Variants in PTPRN2 observed in about 807,000 individuals in gnomAD.
PTPRN2 encodes the protein protein tyrosine phosphatase receptor type N2.
PTPRN2 carries 74 observed loss-of-function variants against 118.8 expected under a neutral mutation model. That is an observed-to-expected ratio of 0.62 (90% CI 0.52 to 0.76). The LOEUF (loss-of-function observed/expected upper bound fraction) is 0.76, where lower values mean the gene tolerates loss of function less well. Ranked by LOEUF, PTPRN2 falls within the 30% of genes least tolerant of loss-of-function variation. The probability of loss-of-function intolerance (pLI) is 0.00; values close to 1 mark genes in which losing one functional copy is unlikely to be tolerated. For missense variants in PTPRN2, 1,481 were observed against 1,394.4 expected (o/e 1.06, Z -0.99); for synonymous variants, 641 against 608.0 (o/e 1.05, Z -0.80).
At chr7:158,270,772 CCACCTGGACCACCCCT>C (rs1798288190) in intron 3 of PTPRN2, among the ~76,000 whole-genome samples, 2 of 131,612 alleles carry the variant, frequency 1.5e-5, no homozygotes, top group Admixed American at 7.2e-5. Context: ...ACCACCCCGT[CCACCTGGACCACCCCT>C]CCACCTGGAC....
chr7:158,449,100 G>A (rs948465738), intron 2 of PTPRN2, among the ~76,000 whole-genome samples: 2 of 152,184 alleles, frequency 1.3e-5, no homozygotes, highest in Admixed American at 6.5e-5. Context: ...AGGGTCCAGG[G>A]ACTTTCACAC....
intron 5 of PTPRN2, among the ~76,000 whole-genome samples, chr7:158,188,737 C>T (rs904682640): frequency 1.2e-4 from 17 of 136,400 alleles, no homozygotes; most frequent in Non-Finnish European, 2.1e-4. Context: ...CCACGCTCGC[C>T]GCCTTGTATG....
At position 158,546,748 on chromosome 7, in the gene PTPRN2, C is replaced by A. The variant is rs1418315723; in HGVS notation, c.112+40810G>T. ...CCACCAGCCTGGGAGGCCCGGTCAC[C>A]CCACGGCCAGCGCCTGCCAAGTTCT... is the stretch of plus-strand genomic sequence containing the variant. On this transcript the variant is annotated intron_variant, in intron 1 of 22. Transcript: ENST00000389418. This position sits in a 1 kb window ranked among gnomAD's most constrained non-coding sequence, Gnocchi z 5.0. Among the ~76,000 whole-genome samples the A allele has an allele frequency of 6.6e-6, 1 of 152,242 alleles. No homozygotes were observed. The highest frequency in any genetic ancestry group is 1.5e-5 in the Non-Finnish European group (1 of 68,038).
intron 2 of PTPRN2, among the ~76,000 whole-genome samples, chr7:158,327,775 C>T (rs1348615705): frequency 1.3e-5 from 2 of 152,186 alleles, no homozygotes; most frequent in Non-Finnish European, 2.9e-5. Flanking sequence ...TGCCAAAGTA[C>T]CTTCAATCTG....
At chr7:158,146,107 T>C (rs1207763767) in intron 6 of PTPRN2, among the ~76,000 whole-genome samples, 1 of 152,150 alleles carries the variant, frequency 6.6e-6, no homozygotes, top group Non-Finnish European at 1.5e-5. Flanking sequence ...TGGTTCTCCA[T>C]GAGAAGCTCT....
chr7:158,398,350 C>T (rs1409459769), intron 2 of PTPRN2, among the ~76,000 whole-genome samples: 5 of 152,210 alleles, frequency 3.3e-5, no homozygotes, highest in Admixed American at 6.5e-5. Flanking sequence ...GCTGGCCTTG[C>T]CACAGGCAAT....
chr7:157,625,534 T>A (rs1056851939), intron 14 of PTPRN2, among the ~76,000 whole-genome samples: 1 of 151,808 alleles, frequency 6.6e-6, no homozygotes, highest in Non-Finnish European at 1.5e-5. Context: ...GCTATGAGGA[T>A]GCAGAGGCAT....
At chr7:158,337,264 A>T (rs1349276184) in intron 2 of PTPRN2, among the ~76,000 whole-genome samples, 7 of 151,290 alleles carry the variant, frequency 4.6e-5, no homozygotes, top group Middle Eastern at 7.0e-3. Flanking sequence ...ACACCTGCAG[A>T]CGTCACTCAA....
intron 9 of PTPRN2, among the ~76,000 whole-genome samples, chr7:158,133,276 CG>C (rs1487875640): frequency 2.6e-5 from 4 of 152,220 alleles, no homozygotes; most frequent in Non-Finnish European, 5.9e-5. Context: ...CATTCCCGCG[CG>C]GGCCGTGCTC....
chr7:158,066,834 G>A (rs999659439), intron 11 of PTPRN2, among the ~76,000 whole-genome samples: 4 of 152,098 alleles, frequency 2.6e-5, no homozygotes, highest in Non-Finnish European at 4.4e-5. Context: ...CACATCCCTG[G>A]GACATATGGG....
intron 5 of PTPRN2, among the ~76,000 whole-genome samples, chr7:158,178,331 T>G (rs1299046611): frequency 6.6e-6 from 1 of 152,068 alleles, no homozygotes; most frequent in Non-Finnish European, 1.5e-5. Flanking sequence ...ATATGTAGGT[T>G]TTTTTATCCC....
rs372213303 is a variant in PTPRN2 at position 158,247,487 on chromosome 7, T to C, written c.278-42214A>G. On this transcript the variant is annotated intron_variant, in intron 3 of 22. Coordinates refer to ENST00000389418, the MANE Select transcript of PTPRN2 (RefSeq NM_002847.5). The stretch of plus-strand genomic sequence containing the variant: ...CGCCCCTGCTTCCCCACCACGCCCA[T>C]GTCCACGGCTCGTGGGCAGCTGGGC... 1.3e-4 allele frequency among the ~76,000 whole-genome samples: 20 copies of C among 152,198 alleles called. 1 individual carries two copies. The East Asian group carries it at 1.5e-3, about 12-fold the overall frequency.
intron 2 of PTPRN2, among the ~76,000 whole-genome samples, chr7:158,378,067 A>T (rs7787866): frequency 6.6e-6 from 1 of 152,154 alleles, no homozygotes; most frequent in Non-Finnish European, 1.5e-5. Context: ...CAGGTCCTGG[A>T]CCTGGCTCCG....
At chr7:158,162,637 C>T (rs559286853) in intron 6 of PTPRN2, among the ~76,000 whole-genome samples, 18 of 41,610 alleles carry the variant, frequency 4.3e-4, no homozygotes, top group Admixed American at 1.0e-3. Flanking sequence ...ATTCCTTCAC[C>T]GGCCACTGCA....
intron 3 of PTPRN2, among the ~76,000 whole-genome samples, chr7:158,230,773 T>G (rs145974243): frequency 3.9e-5 from 6 of 152,150 alleles, no homozygotes; most frequent in African/African-American, 1.4e-4. Flanking sequence ...AATGAGGAGT[T>G]ACAAAACAAT....
intron 2 of PTPRN2, among the ~76,000 whole-genome samples, chr7:158,412,188 CT>C (rs1203710314): frequency 3.5e-5 from 4 of 113,968 alleles, no homozygotes; most frequent in African/African-American, 1.1e-4. Flanking sequence ...CAGGGCCCAT[CT>C]CAGCACCCTC....
intron 3 of PTPRN2, among the ~76,000 whole-genome samples, chr7:158,228,231 TA>T (rs1240441343): frequency 2.0e-5 from 3 of 152,092 alleles, no homozygotes; most frequent in African/African-American, 7.2e-5. Flanking sequence ...GGGATGCAAA[TA>T]ACTTATTTAT....
chr7:157,653,858 A>G (rs2906931), intron 14 of PTPRN2, among the ~76,000 whole-genome samples: 41,172 of 121,408 alleles, frequency 0.34, 7,013 homozygotes, highest in Middle Eastern at 0.42. Context: ...ACCCACCCCG[A>G]CTCCACACGA....
chr7:157,778,335 C>A lies in PTPRN2; in HGVS notation c.1789-95398G>T, dbSNP rs148162869. Among the ~76,000 whole-genome samples the A allele has an allele frequency of 6.5e-4, 99 of 152,140 alleles. 2 individuals carry two copies. Among genetic ancestry groups the A allele is most frequent in the African/African-American group, 2.3e-3 (94 of 41,492 alleles). The stretch of plus-strand genomic sequence containing the variant: ...TGTGAATACAGGCATCAAATGCCCA[C>A]GTACATGTGATTACAGTTGTTGAAT... On this transcript the variant is annotated intron_variant, in intron 12 of 22. Transcript: ENST00000389418.
Sources: gnomAD v4.1 joint callset for allele counts (sites outside exome capture counted in the v4.1 genomes callset) on GRCh38, gnomAD v4.1.1 for gene constraint, Gnocchi (gnomAD v3.1) non-coding constraint, MANE v1.5 for transcripts, NCBI Gene and HGNC (gene_info 2026-07-23, HGNC 2026-07-21) for gene names.